The following AEN variants were observed in gnomAD, a reference collection of about 807,000 sequenced individuals.
AEN encodes the protein apoptosis enhancing nuclease.
AEN carries 21 observed loss-of-function variants against 17.7 expected under a neutral mutation model. The ratio of observed to expected loss-of-function variants is 1.19; its 90% CI spans 0.84 to 1.71. The LOEUF (loss-of-function observed/expected upper bound fraction) is 1.71. AEN is among the 40% of genes most tolerant of loss of function. AEN has a pLI of 0.00. For missense variants in AEN, 462 were observed against 435.9 expected, an observed-to-expected ratio of 1.06 and a Z score of -0.53; for synonymous variants, 190 against 173.0, an observed-to-expected ratio of 1.10 and a Z score of -0.77.
At chr15:88,612,978 A>G in the AEN span, among the ~76,000 whole-genome samples, 2 of 152,154 alleles carry the variant, frequency 1.3e-5, no homozygotes, top group Non-Finnish European at 2.9e-5. Context: ...CAGTGATGAC[A>G]CTTTCAGTGG....
chr15:88,610,325 T>C, the AEN span, among the ~76,000 whole-genome samples: 1 of 148,950 alleles, frequency 6.7e-6, no homozygotes, highest in African/African-American at 2.5e-5. Flanking sequence ...TTTTTTTTTG[T>C]AAAAGAAATT....
chr15:88,605,683 C>T, the AEN span, among the ~76,000 whole-genome samples: 2 of 152,316 alleles, frequency 1.3e-5, no homozygotes, highest in Non-Finnish European at 1.5e-5. This position sits in a 1 kb window ranked among gnomAD's most constrained non-coding sequence, Gnocchi z 7.6. Context: ...CCGTTACTTC[C>T]CAGTGTAGCC....
upstream of AEN, among the ~76,000 whole-genome samples, chr15:88,617,844 A>AG (rs1318250589): frequency 6.6e-6 from 1 of 150,714 alleles, no homozygotes. Flanking sequence ...AGCTGGAAAA[A>AG]AATGCTCATT....
At chr15:88,618,362 A>G (rs530122159), upstream of AEN, among the ~76,000 whole-genome samples, 1 of 152,352 alleles carries the variant, frequency 6.6e-6, no homozygotes, top group East Asian at 1.9e-4. Context: ...TTATGCAGAT[A>G]AATTTGAACT....
chr15:88,617,580 A>G (rs1004436243), upstream of AEN, among the ~76,000 whole-genome samples: 10 of 152,144 alleles, frequency 6.6e-5, no homozygotes, highest in Admixed American at 3.9e-4. Flanking sequence ...TGAAAAAACT[A>G]TTTATGACAA....
At chr15:88,621,958 G>A (rs1463284403) in intron 1 of AEN, among the ~76,000 whole-genome samples, 3 of 152,156 alleles carry the variant, frequency 2.0e-5, no homozygotes, top group Non-Finnish European at 4.4e-5. Flanking sequence ...ATGTCATATG[G>A]TAATTAACTA....
intron 2 of AEN, 186 bp downstream of exon 2, chr15:88,626,935 A>T: frequency 1.5e-6 from 1 of 661,572 alleles, no homozygotes; most frequent in Non-Finnish European, 2.5e-6. Flanking sequence ...CCTTGCCTCC[A>T]GATAAGGATT....
At chr15:88,618,486 A>G (rs946343967), upstream of AEN, among the ~76,000 whole-genome samples, 3 of 152,242 alleles carry the variant, frequency 2.0e-5, no homozygotes, top group African/African-American at 7.2e-5. Flanking sequence ...AAATACATGC[A>G]TAGCATTTCA....
At chr15:88,613,387 A>G in the AEN span, among the ~76,000 whole-genome samples, 4 of 152,174 alleles carry the variant, frequency 2.6e-5, no homozygotes, top group Non-Finnish European at 5.9e-5. Flanking sequence ...TCTCATTTAC[A>G]CTTCAGAAGT....
At chr15:88,611,187 C>T in the AEN span, among the ~76,000 whole-genome samples, 1 of 152,248 alleles carries the variant, frequency 6.6e-6, no homozygotes, top group Admixed American at 6.5e-5. Context: ...GTCACCATTT[C>T]CAAGCTCTAG....
At position 88,630,408 on chromosome 15, in the gene AEN, C is replaced by T. The variant is rs1161662249; in HGVS notation, c.*114C>T. Reference sequence around the variant, plus strand: ...GGTGGGGCAGGATGCAGTGAGCCAGCCCCAGGGCCAGAGGAGTAGGGGTCA... The same window carrying T: ...GGTGGGGCAGGATGCAGTGAGCCAGTCCCAGGGCCAGAGGAGTAGGGGTCA... On this transcript the variant is annotated 3_prime_UTR_variant, in exon 4 of 4. Transcript: ENST00000332810. This position sits in a 1 kb window ranked among gnomAD's most constrained non-coding sequence, Gnocchi z 5.1. 7.5e-5 allele frequency: 74 copies of T among 980,772 alleles called. No homozygotes were observed. In the East Asian group the frequency reaches 1.9e-3, roughly 25 times the overall value. The allele number at this position is 980,772 out of a possible 1,614,324, so 60.8% of individuals were successfully genotyped here. A position where few individuals can be genotyped will look rare whatever the true frequency, so the allele number is the denominator to read the frequency against.
rs138959764 is a variant in AEN, at chr15:88,629,288, G to A, written c.603G>A (p.Ala201=). The A allele has an allele frequency of 6.9e-5, 111 of 1,614,096 alleles. No individual in the cohort carries two copies. The African/African-American group carries it at 1.0e-3, about 15-fold the overall frequency. ...ACGCGCTGCACAACGACTTCCAGGC[G>A]CTCAAGTATGTCCACCCTCGGAGCC... ...VGHALHNDFQ[A]LKYVHPRSQT... is the part of the protein sequence containing the mutation. The change falls in exon 3 of 4, where the codon GCG becomes GCA. Residue 201 remains alanine, a synonymous_variant. Coordinates refer to ENST00000332810, the MANE Select transcript of AEN (RefSeq NM_022767.4).
the AEN span, among the ~76,000 whole-genome samples, chr15:88,615,153 C>A: frequency 3.9e-5 from 6 of 152,248 alleles, no homozygotes; most frequent in African/African-American, 1.4e-4. Flanking sequence ...CGTGAGCCAC[C>A]GCGCCCGGCC....
chr15:88,613,623 T>G, the AEN span, among the ~76,000 whole-genome samples: 1 of 150,354 alleles, frequency 6.7e-6, no homozygotes, highest in Non-Finnish European at 1.5e-5. Context: ...ATTTGAGGGA[T>G]GGATATGACA....
In AEN at chr15:88,630,457, A is replaced by G; in HGVS notation, c.*163A>G. ...CATCTGTTACCTTGACACCCTCTGC[A>G]CACAGCATAGCCCTCTCTCTCTCCA... On this transcript the variant is annotated 3_prime_UTR_variant, in exon 4 of 4. Transcript: ENST00000332810. The surrounding 1 kb of genome is among the most constrained non-coding windows in gnomAD (Gnocchi z 5.1). 1 of 643,752 alleles carries G rather than the reference A, an allele frequency of 1.6e-6. No individual in the cohort carries two copies. Among genetic ancestry groups the G allele is most frequent in the South Asian group, 1.9e-5 (1 of 52,334 alleles). The allele number at this position is 643,752 out of a possible 1,614,324, so 39.9% of individuals were successfully genotyped here.
chr15:88,619,069 A>G (rs1021789901), upstream of AEN, among the ~76,000 whole-genome samples: 1 of 152,184 alleles, frequency 6.6e-6, no homozygotes, highest in Non-Finnish European at 1.5e-5. Context: ...AAATGTTTTT[A>G]ATGACCTAAC....
rs1381245621 is a variant in AEN at position 88,631,431 on chromosome 15, G to C, written c.*1137G>C. On this transcript the variant is annotated 3_prime_UTR_variant, in exon 4 of 4. Transcript: ENST00000332810. ...GTTTTGAAGTATTGGATAACCAAGA[G>C]CTCAGGTCACACAGACCTTGGAGCC... 9.4e-5 allele frequency: 23 copies of C among 244,454 alleles called. 1 individual carries two copies. The highest frequency in any genetic ancestry group is 9.0e-4 in the South Asian group (20 of 22,124). The allele number at this position is 244,454 out of a possible 1,614,324, so 15.1% of individuals were successfully genotyped here.
chr15:88,624,111 AAC>A (rs1313699803), intron 1 of AEN, among the ~76,000 whole-genome samples: 1 of 152,170 alleles, frequency 6.6e-6, no homozygotes, highest in Non-Finnish European at 1.5e-5. Flanking sequence ...TTCAGCCCTT[AAC>A]ACACTTTATG....
upstream of AEN, among the ~76,000 whole-genome samples, chr15:88,621,037 G>A (rs549018378): frequency 6.6e-6 from 1 of 152,284 alleles, no homozygotes; most frequent in East Asian, 1.9e-4. Context: ...GCTTACAGGA[G>A]CCCACATCCC....
Sources: allele counts gnomAD v4.1 joint callset (sites outside exome capture counted in the v4.1 genomes callset), GRCh38; gene constraint gnomAD v4.1.1; non-coding constraint Gnocchi (gnomAD v3.1); transcripts MANE v1.5; gene names NCBI Gene and HGNC (gene_info 2026-07-23, HGNC 2026-07-21).